WNT7A: variants seen among roughly 807,000 people sequenced by gnomAD.
WNT7A encodes protein Wnt-7a.
A neutral mutation model predicts 28.2 loss-of-function variants in WNT7A; 16 were observed. The ratio of observed to expected loss-of-function variants is 0.57; its 90% CI spans 0.38 to 0.86. The LOEUF is 0.86. Ranked by LOEUF, WNT7A falls within the 40% of genes least tolerant of loss-of-function variation. The probability of loss-of-function intolerance (pLI) is 0.00; values close to 1 mark genes in which losing one functional copy is unlikely to be tolerated. For missense variants in WNT7A, 411 were observed against 489.7 expected (o/e 0.84, Z 1.52); for synonymous variants, 190 against 195.9 (o/e 0.97, Z 0.25).
chr3:13,826,634 T>C (rs940237517), intron 3 of WNT7A, among the ~76,000 whole-genome samples: 2 of 152,116 alleles, frequency 1.3e-5, no homozygotes, highest in African/African-American at 4.8e-5. Flanking sequence ...CTGACTCCAG[T>C]CAGCTCAGGC....
chr3:13,828,755 G>C (rs1694235989), intron 3 of WNT7A, among the ~76,000 whole-genome samples: 1 of 152,288 alleles, frequency 6.6e-6, no homozygotes, highest in East Asian at 1.9e-4. Context: ...TCCTCTGCAG[G>C]GAGTGGTCAG....
chr3:13,855,695 C>A (rs559992530), intron 2 of WNT7A, among the ~76,000 whole-genome samples: 1 of 152,262 alleles, frequency 6.6e-6, no homozygotes, highest in East Asian at 1.9e-4. Flanking sequence ...TCAAGGGCTA[C>A]GTCTGCTTTA....
chr3:13,818,368 A>AAAAAAAAAAAAAAAAAAAAAAAAAAAAAG lies in WNT7A; in HGVS notation c.*575_*576insCTTTTTTTTTTTTTTTTTTTTTTTTTTTT, dbSNP rs1575056906. On this transcript the variant is annotated 3_prime_UTR_variant, in exon 4 of 4. Transcript: ENST00000285018. Reference sequence around the variant, plus strand: ...GCAAACAGCAAAAAAAAAAAAAAAAATGTGTGTGTGTATATCTATATATGC... The same window carrying AAAAAAAAAAAAAAAAAAAAAAAAAAAAAG: ...GCAAACAGCAAAAAAAAAAAAAAAAAAAAAAAAAAAAAAAAAAAAAAAAAAAAAGTGTGTGTGTGTATATCTATATATGC... 5 of 150,042 alleles carry AAAAAAAAAAAAAAAAAAAAAAAAAAAAAG rather than the reference A, an allele frequency of 3.3e-5. No homozygotes were observed. The highest frequency in any genetic ancestry group is 2.1e-4 in the South Asian group (1 of 4,754). 9.3% of individuals were successfully genotyped at this position (150,042 alleles called of 1,614,324 possible). A position where few individuals can be genotyped will look rare whatever the true frequency, so the allele number is the denominator to read the frequency against.
At chr3:13,831,363 A>T (rs1489789127) in intron 3 of WNT7A, among the ~76,000 whole-genome samples, 1 of 152,186 alleles carries the variant, frequency 6.6e-6, no homozygotes, top group African/African-American at 2.4e-5. Flanking sequence ...GACTGGGGAG[A>T]CAAGGGGTGG....
intron 2 of WNT7A, among the ~76,000 whole-genome samples, chr3:13,858,378 G>C (rs554060142): frequency 8.2e-4 from 125 of 152,330 alleles, no homozygotes; most frequent in Non-Finnish European, 1.4e-3. Context: ...CAAGACTCCT[G>C]TGGTAATTTC....
intron 3 of WNT7A, among the ~76,000 whole-genome samples, chr3:13,840,269 T>C (rs1694435266): frequency 1.3e-5 from 2 of 152,234 alleles, no homozygotes; most frequent in Admixed American, 1.3e-4. Flanking sequence ...CTCATCCTGC[T>C]TTGTTTGTTC....
chr3:13,818,726 T>C lies in WNT7A; in HGVS notation c.*218A>G. On this transcript the variant is annotated 3_prime_UTR_variant, in exon 4 of 4. Coordinates refer to ENST00000285018, the MANE Select transcript of WNT7A (RefSeq NM_004625.4). Reference sequence around the variant, plus strand: ...CAGCCGCGGAGGGACCTGGGCTGTGTCTGGGGGAGGGTGGAGCAGCATTGG... The same window carrying C: ...CAGCCGCGGAGGGACCTGGGCTGTGCCTGGGGGAGGGTGGAGCAGCATTGG... 2 of 658,264 alleles carry C rather than the reference T, an allele frequency of 3.0e-6. No individual in the cohort carries two copies. The highest frequency in any genetic ancestry group is 2.4e-6 in the Non-Finnish European group (1 of 424,848). 40.8% of individuals were successfully genotyped at this position (658,264 alleles called of 1,614,324 possible).
chr3:13,838,119 G>T (rs11922919), intron 3 of WNT7A, among the ~76,000 whole-genome samples: 26,435 of 152,212 alleles, frequency 0.17, 2,455 homozygotes, highest in South Asian at 0.36. Context: ...CCAGCTGAGG[G>T]TGCGGTGGGG....
intron 3 of WNT7A, 61 bp downstream of exon 3, chr3:13,854,471 A>G: frequency 1.2e-6 from 2 of 1,611,274 alleles, no homozygotes; most frequent in South Asian, 1.1e-5. Flanking sequence ...CAGATGTTAC[A>G]AACAAGCCAT....
intron 3 of WNT7A, among the ~76,000 whole-genome samples, chr3:13,836,263 C>G (rs1694367029): frequency 6.6e-6 from 1 of 151,778 alleles, no homozygotes; most frequent in African/African-American, 2.4e-5. Context: ...GAACTTGGGC[C>G]ATGGAGCACA....
chr3:13,836,199 TTAA>T (rs1559297605), intron 3 of WNT7A, among the ~76,000 whole-genome samples: 1 of 139,256 alleles, frequency 7.2e-6, no homozygotes, highest in Admixed American at 7.1e-5. Context: ...AAGCTGGTTT[TTAA>T]AAAAAAAAAA....
At chr3:13,842,021 G>C (rs769433101) in intron 3 of WNT7A, among the ~76,000 whole-genome samples, 2 of 151,970 alleles carry the variant, frequency 1.3e-5, no homozygotes, top group Non-Finnish European at 2.9e-5. Context: ...CAGTGTGTGT[G>C]AGGAGCCACA....
intron 2 of WNT7A, among the ~76,000 whole-genome samples, chr3:13,868,405 G>A (rs1157652022): frequency 6.6e-6 from 1 of 151,540 alleles, no homozygotes; most frequent in Non-Finnish European, 1.5e-5. Context: ...AGCCCAGGAG[G>A]TGGAGGCTGC....
intron 3 of WNT7A, among the ~76,000 whole-genome samples, chr3:13,821,248 A>T (rs1694105285): frequency 6.6e-6 from 1 of 152,308 alleles, no homozygotes; most frequent in Admixed American, 6.5e-5. Flanking sequence ...TACCTGGGGG[A>T]TGCTCAAAAT....
intron 2 of WNT7A, among the ~76,000 whole-genome samples, chr3:13,862,553 G>A (rs1465858154): frequency 1.3e-5 from 2 of 152,252 alleles, no homozygotes; most frequent in Middle Eastern, 3.2e-3. Flanking sequence ...TGCCAGCCCC[G>A]TGGCATGGCA....
At position 13,879,916 on chromosome 3, in the gene WNT7A, G is replaced by A. The variant is rs1695183705; in HGVS notation, c.-100C>T. Reference sequence around the variant, plus strand: ...ATAGCCCGCCCGGGAGGCGCGAGCCGAGGCGTCCCCGGGGCCGTCTGTCGG... The same window carrying A: ...ATAGCCCGCCCGGGAGGCGCGAGCCAAGGCGTCCCCGGGGCCGTCTGTCGG... On this transcript the variant is annotated 5_prime_UTR_variant, in exon 1 of 4. Coordinates refer to ENST00000285018, the MANE Select transcript of WNT7A (RefSeq NM_004625.4). The A allele has an allele frequency of 4.1e-6, 4 of 983,030 alleles. No individual in the cohort carries two copies. The highest frequency in any genetic ancestry group is 3.4e-4 in the Middle Eastern group (1 of 2,922). 60.9% of individuals were successfully genotyped at this position (983,030 alleles called of 1,614,324 possible).
At chr3:13,858,598 C>T (rs1219731122) in intron 2 of WNT7A, among the ~76,000 whole-genome samples, 1 of 152,184 alleles carries the variant, frequency 6.6e-6, no homozygotes, top group East Asian at 1.9e-4. Flanking sequence ...GGAGAGCTTT[C>T]TTCCCCACAG....
chr3:13,827,823 A>G (rs573585746), intron 3 of WNT7A, among the ~76,000 whole-genome samples: 1 of 152,098 alleles, frequency 6.6e-6, no homozygotes, highest in South Asian at 2.1e-4. Flanking sequence ...CCCTGCCCCC[A>G]GCACCCATGG....
In WNT7A at chr3:13,818,767, G is replaced by C; in HGVS notation, c.*177C>G. 1 of 990,582 alleles carries C rather than the reference G, an allele frequency of 1.0e-6. No homozygotes were observed. The highest frequency in any genetic ancestry group is 2.7e-5 in the East Asian group (1 of 37,356). 61.4% of individuals were successfully genotyped at this position (990,582 alleles called of 1,614,324 possible). On this transcript the variant is annotated 3_prime_UTR_variant, in exon 4 of 4. Coordinates refer to ENST00000285018, the MANE Select transcript of WNT7A (RefSeq NM_004625.4). Reference sequence around the variant, plus strand: ...GCAGCATTGGGTGTGGAACAGAATAGTTGAGGGCTCTGAGAGATTTTTTTT... The same window carrying C: ...GCAGCATTGGGTGTGGAACAGAATACTTGAGGGCTCTGAGAGATTTTTTTT...
Sources: gnomAD v4.1 joint callset for allele counts (sites outside exome capture counted in the v4.1 genomes callset) on GRCh38, gnomAD v4.1.1 for gene constraint, MANE v1.5 for transcripts, NCBI Gene and HGNC (gene_info 2026-07-23, HGNC 2026-07-21) for gene names.